The following PKP3 variants were observed in gnomAD, a reference collection of about 807,000 sequenced individuals.
PKP3 encodes plakophilin 3.
In PKP3, 66 loss-of-function variants were observed where a neutral mutation model predicts 76.5. The observed-to-expected ratio is 0.86, with a 90% CI of 0.71 to 1.06. PKP3 has a LOEUF of 1.06. Ranked by LOEUF, PKP3 falls within the 50% of genes least tolerant of loss-of-function variation. The pLI is 0.00. For missense variants in PKP3, 1,338 were observed against 1,141.0 expected (o/e 1.17, Z -2.49); for synonymous variants, 638 against 516.5 (o/e 1.24, Z -3.19).
In PKP3 at chr11:404,119, A is replaced by C. The variant is rs1228193961; in HGVS notation, c.2254A>C (p.Lys752Gln). ...FDGLRKLIFI[K>Q]KKRDSPDSEK... ...CGGACTCCGAAAGCTCATCTTCATC[A>C]AGAAGAAGCGGGACAGGTAGGGGCC... Residue 752 changes from lysine (K) to glutamine (Q), a missense_variant, in exon 11 of 13, where the codon AAG becomes CAG. Physicochemically the swap from Lys to Gln is moderately conservative, Grantham distance 53. Coordinates refer to ENST00000331563, the MANE Select transcript of PKP3 (RefSeq NM_007183.4). The surrounding 1 kb of genome is among the most constrained non-coding windows in gnomAD (Gnocchi z 4.2). 6.2e-7 allele frequency: 1 copy of C among 1,610,492 alleles called. No homozygotes were observed. Among genetic ancestry groups the C allele is most frequent in the South Asian group, 1.1e-5 (1 of 90,906 alleles).
chr11:397,178 C>T lies in PKP3; in HGVS notation c.677C>T (p.Ala226Val), dbSNP rs770016033. 1.3e-6 allele frequency: 2 copies of T among 1,598,114 alleles called. No homozygotes were observed. Among genetic ancestry groups the T allele is most frequent in the African/African-American group, 2.7e-5 (2 of 75,012 alleles). Reference sequence around the variant, plus strand: ...CAGGCCAGCTCCAGCTCCAGCCGGGCAGGGGGGCTGGACTGGCCCGAGGCC... The same window carrying T: ...CAGGCCAGCTCCAGCTCCAGCCGGGTAGGGGGGCTGGACTGGCCCGAGGCC... ...ERQASSSSSR[A>V]GGLDWPEATE... The change falls in exon 3 of 13, where the codon GCA (alanine) becomes GTA (valine). Residue 226 changes from alanine to valine, a missense_variant. Coordinates refer to ENST00000331563, the MANE Select transcript of PKP3 (RefSeq NM_007183.4).
chr11:398,158 C>T (rs1367705478), intron 4 of PKP3, among the ~76,000 whole-genome samples: 1 of 81,408 alleles, frequency 1.2e-5, no homozygotes, highest in Non-Finnish European at 2.5e-5. Context: ...TCCGTACACC[C>T]GCACATACCT....
chr11:396,801 T>C lies in PKP3; in HGVS notation c.313-13T>C. On this transcript the variant is annotated splice_polypyrimidine_tract_variant and intron_variant, in intron 2 of 12. Coordinates refer to ENST00000331563, the MANE Select transcript of PKP3 (RefSeq NM_007183.4). The stretch of plus-strand genomic sequence containing the variant: ...GCCCAGGCACGCCCTCACCGCCCCC[T>C]CTCGACCCACAGGGCTTCCGGCCCA... The C allele has an allele frequency of 6.4e-7, 1 of 1,572,114 alleles. No individual in the cohort carries two copies. Among genetic ancestry groups the C allele is most frequent in the East Asian group, 2.3e-5 (1 of 44,292 alleles).
chr11:404,449 C>A lies in PKP3; in HGVS notation c.2359-85C>A. 6.6e-7 allele frequency: 1 copy of A among 1,520,230 alleles called. No homozygotes were observed. Among genetic ancestry groups the A allele is most frequent in the Non-Finnish European group, 9.1e-7 (1 of 1,095,890 alleles). The allele number at this position is 1,520,230 out of a possible 1,614,324, so 94.2% of individuals were successfully genotyped here. Reference sequence around the variant, plus strand: ...ACCCAGAGAGGAAGGGTCCGGGCCACACCCAGCACACTGCAGGAGGGACAG... The same window carrying A: ...ACCCAGAGAGGAAGGGTCCGGGCCAAACCCAGCACACTGCAGGAGGGACAG... On this transcript the variant is annotated intron_variant, in intron 12 of 12. Coordinates refer to ENST00000331563, the MANE Select transcript of PKP3 (RefSeq NM_007183.4). This position sits in a 1 kb window ranked among gnomAD's most constrained non-coding sequence, Gnocchi z 4.2.
At position 404,423 on chromosome 11, in the gene PKP3, G is replaced by T; in HGVS notation, c.2358+100G>T. The T allele has an allele frequency of 6.8e-7, 1 of 1,474,476 alleles. No individual in the cohort carries two copies. Among genetic ancestry groups the T allele is most frequent in the South Asian group, 1.1e-5 (1 of 88,304 alleles). 91.3% of individuals were successfully genotyped at this position (1,474,476 alleles called of 1,614,324 possible). A position where few individuals can be genotyped will look rare whatever the true frequency, so the allele number is the denominator to read the frequency against. On this transcript the variant is annotated intron_variant, in intron 12 of 12. Coordinates refer to ENST00000331563, the MANE Select transcript of PKP3 (RefSeq NM_007183.4). The surrounding 1 kb of genome is among the most constrained non-coding windows in gnomAD (Gnocchi z 4.2). Reference sequence around the variant, plus strand: ...GGCCCATGGGAGGATGGAGACCAGGGACCCAGAGAGGAAGGGTCCGGGCCA... The same window carrying T: ...GGCCCATGGGAGGATGGAGACCAGGTACCCAGAGAGGAAGGGTCCGGGCCA...
chr11:398,072 C>T (rs1469806296), intron 4 of PKP3, among the ~76,000 whole-genome samples: 56 of 94,906 alleles, frequency 5.9e-4, no homozygotes, highest in South Asian at 1.6e-3. Context: ...TCCGTACCCC[C>T]GCACACACCT....
chr11:396,484 C>A, intron 1 of PKP3, 124 bp from the exon 2 acceptor site: 1 of 646,784 alleles, frequency 1.5e-6, no homozygotes, highest in Non-Finnish European at 2.6e-6. Flanking sequence ...GCCCCCCTGG[C>A]CTCCCTGCCC....
At position 400,715 on chromosome 11, in the gene PKP3, A is replaced by C; in HGVS notation, c.1737+10A>C. ...CCGGCGGCTGCGCGAGGTGGGCACC[A>C]GCCTGAGCGGGGCGTGGGGTGGGTG... On this transcript the variant is annotated intron_variant, in intron 8 of 12. Coordinates refer to ENST00000331563, the MANE Select transcript of PKP3 (RefSeq NM_007183.4). 1 of 1,236,766 alleles carries C rather than the reference A, an allele frequency of 8.1e-7. No individual in the cohort carries two copies. The highest frequency in any genetic ancestry group is 1.0e-6 in the Non-Finnish European group (1 of 985,202). The allele number at this position is 1,236,766 out of a possible 1,614,324, so 76.6% of individuals were successfully genotyped here.
chr11:392,643 C>T (rs1564876840), upstream of PKP3: 7 of 1,286,840 alleles, frequency 5.4e-6, no homozygotes, highest in Non-Finnish European at 7.1e-6. Flanking sequence ...GTCCTGGACA[C>T]CTCGGCCGTC....
Position 400,390 on chromosome 11 carries a change from T to A in PKP3, c.1505T>A (p.Leu502Gln). 1 of 1,549,100 alleles carries A rather than the reference T, an allele frequency of 6.5e-7. No individual in the cohort carries two copies. Among genetic ancestry groups the A allele is most frequent in the Non-Finnish European group, 8.7e-7 (1 of 1,146,258 alleles). The change falls in exon 7 of 13, where the codon CTG becomes CAG. Residue 502 changes from leucine to glutamine, a missense_variant. Leu to Gln is a moderately radical substitution (Grantham distance 113). Coordinates refer to ENST00000331563, the MANE Select transcript of PKP3 (RefSeq NM_007183.4). ...TRQKMRECHG[L>Q]VDALVTSINH... ...CAGAAGATGCGGGAGTGCCACGGGCTGGTGGACGCCCTGGTCACCTCTATC... is the reference window on the plus strand; with the variant it reads ...CAGAAGATGCGGGAGTGCCACGGGCAGGTGGACGCCCTGGTCACCTCTATC...
At chr11:395,016 C>A (rs1424571116) in intron 1 of PKP3, among the ~76,000 whole-genome samples, 1 of 152,142 alleles carries the variant, frequency 6.6e-6, no homozygotes, top group Non-Finnish European at 1.5e-5. Context: ...GGACCAGGGG[C>A]TCCCTGAGGA....
At chr11:394,664 C>A in intron 1 of PKP3, 140 bp downstream of exon 1, 1 of 624,586 alleles carries the variant, frequency 1.6e-6, no homozygotes, top group Non-Finnish European at 2.2e-6. Flanking sequence ...CACCCCGCCC[C>A]AGGGGCGTGG....
rs185362737 is a variant in PKP3, at chr11:404,685, C to T, written c.*116C>T. 1.6e-4 allele frequency: 154 copies of T among 938,472 alleles called. No homozygotes were observed. Among genetic ancestry groups the T allele is most frequent in the Admixed American group, 2.0e-4 (9 of 45,236 alleles). 58.1% of individuals were successfully genotyped at this position (938,472 alleles called of 1,614,324 possible). A position where few individuals can be genotyped will look rare whatever the true frequency, so the allele number is the denominator to read the frequency against. On this transcript the variant is annotated 3_prime_UTR_variant, in exon 13 of 13. Coordinates refer to ENST00000331563, the MANE Select transcript of PKP3 (RefSeq NM_007183.4). This position sits in a 1 kb window ranked among gnomAD's most constrained non-coding sequence, Gnocchi z 4.2. ...AGGCTAATGACGGAGGGGCCCCTCG[C>T]TGGGGCCCCTGTGTGCATCTTTGAG...
At position 397,293 on chromosome 11, in the gene PKP3, CGGGGCAGTGCCG is replaced by C. The variant is rs775642594; in HGVS notation, c.798_809del (p.Pro268_Val271del). The C allele has an allele frequency of 1.9e-6, 3 of 1,593,048 alleles. No individual in the cohort carries two copies. The highest frequency in any genetic ancestry group is 2.6e-6 in the Non-Finnish European group (3 of 1,172,742). ...GCAGCCACCGGAGCCGCGGGGTAGG[CGGGGCAGTGCCG>C]GGGGCCGTCCTGGAGCCAGTGGCTC... On this transcript the variant is annotated inframe_deletion, in exon 3 of 13. Transcript: ENST00000331563.
Position 394,434 on chromosome 11 carries a change from G to C in PKP3, c.142G>C (p.Glu48Gln). Reference protein sequence around the residue: ...AERLRAARVQEQVRARLLQLG... With the variant: ...AERLRAARVQQQVRARLLQLG... ...GCGGCTGCGGGCAGCCCGCGTCCAG[G>C]AGCAGGTCCGCGCCCGCCTCTTGCA... Residue 48 changes from glutamate to glutamine, a missense_variant, in exon 1 of 13, where the codon GAG becomes CAG. Physicochemically the swap from Glu to Gln is conservative, Grantham distance 29. Transcript: ENST00000331563. 1 of 1,467,332 alleles carries C rather than the reference G, an allele frequency of 6.8e-7. No homozygotes were observed. The highest frequency in any genetic ancestry group is 1.3e-5 in the South Asian group (1 of 75,836). 90.9% of individuals were successfully genotyped at this position (1,467,332 alleles called of 1,614,324 possible). A position where few individuals can be genotyped will look rare whatever the true frequency, so the allele number is the denominator to read the frequency against.
At chr11:399,907 C>A in intron 5 of PKP3, 60 bp from the exon 6 acceptor site, 1 of 1,417,026 alleles carries the variant, frequency 7.1e-7, no homozygotes, top group Non-Finnish European at 9.6e-7. Context: ...TCACACCATC[C>A]CCAGAAACGC....
At chr11:400,757 G>T (rs533507335) in intron 8 of PKP3, 52 bp downstream of exon 8, 9 of 1,056,304 alleles carry the variant, frequency 8.5e-6, no homozygotes, top group South Asian at 4.2e-5. Context: ...CCCCGGCCCC[G>T]CTGACCCCGG....
In PKP3 at chr11:404,442, C is replaced by T. The variant is rs756603299; in HGVS notation, c.2359-92C>T. The stretch of plus-strand genomic sequence containing the variant: ...ACCAGGGACCCAGAGAGGAAGGGTC[C>T]GGGCCACACCCAGCACACTGCAGGA... On this transcript the variant is annotated intron_variant, in intron 12 of 12. Transcript: ENST00000331563. This position sits in a 1 kb window ranked among gnomAD's most constrained non-coding sequence, Gnocchi z 4.2. 7.3e-6 allele frequency: 11 copies of T among 1,503,848 alleles called. No individual in the cohort carries two copies. The highest frequency in any genetic ancestry group is 5.6e-5 in the South Asian group (5 of 88,836). 93.2% of individuals were successfully genotyped at this position (1,503,848 alleles called of 1,614,324 possible).
rs1029269490 is a variant in PKP3, at chr11:399,048, G to C, written c.1125G>C (p.Gln375His). 1 of 1,607,434 alleles carries C rather than the reference G, an allele frequency of 6.2e-7. No homozygotes were observed. Among genetic ancestry groups the C allele is most frequent in the East Asian group, 2.2e-5 (1 of 44,706 alleles). ...RLVKLFNHAN[Q>H]EVQRHATGAM... ...TGAAGCTCTTCAACCACGCCAACCA[G>C]GAAGTGCAGCGCCATGCCACAGGTG... Residue 375 changes from glutamine (Q) to histidine (H), a missense_variant, in exon 5 of 13, where the codon CAG (glutamine) becomes CAC (histidine). Transcript: ENST00000331563.
Sources: allele counts gnomAD v4.1 joint callset (sites outside exome capture counted in the v4.1 genomes callset), GRCh38; gene constraint gnomAD v4.1.1; non-coding constraint Gnocchi (gnomAD v3.1); transcripts MANE v1.5; gene names NCBI Gene and HGNC (gene_info 2026-07-23, HGNC 2026-07-21).